FBN3: variants seen among roughly 807,000 people sequenced by gnomAD.
The protein encoded by FBN3 is fibrillin-3.
FBN3 carries 234 observed loss-of-function variants against 330.1 expected under a neutral mutation model. That is an observed-to-expected ratio of 0.71 (90% confidence interval 0.64 to 0.79). The LOEUF (loss-of-function observed/expected upper bound fraction) is 0.79. FBN3 is among the 30% of genes least tolerant of loss of function. The probability of loss-of-function intolerance (pLI) is 0.00; values close to 1 mark genes in which losing one functional copy is unlikely to be tolerated. For synonymous variants in FBN3, 1,458 were observed against 1,517.3 expected (o/e 0.96, Z 0.91); for missense variants, 3,606 against 3,886.9 (o/e 0.93, Z 1.92).
At chr19:8,120,681 T>A (rs1162841576) in intron 25 of FBN3, among the ~76,000 whole-genome samples, 1 of 152,136 alleles carries the variant, frequency 6.6e-6, no homozygotes, top group Non-Finnish European at 1.5e-5. Flanking sequence ...CTTGTTATGT[T>A]GCCCAGGCTG....
chr19:8,137,309 C>T (rs2083311377), intron 10 of FBN3, among the ~76,000 whole-genome samples: 1 of 151,620 alleles, frequency 6.6e-6, no homozygotes. Flanking sequence ...CCCTAGATCC[C>T]TCCAACCTGG....
At chr19:8,095,942 C>T (rs1221365108) in intron 45 of FBN3, 22 bp downstream of exon 45, 5 of 1,516,034 alleles carry the variant, frequency 3.3e-6, no homozygotes, top group East Asian at 2.3e-5. Flanking sequence ...TTGTGGCCAG[C>T]CTGCCACCTG....
intron 54 of FBN3, among the ~76,000 whole-genome samples, 193 bp downstream of exon 54, chr19:8,086,884 T>C (rs1348774257): frequency 6.6e-6 from 1 of 151,856 alleles, no homozygotes; most frequent in African/African-American, 2.4e-5. Context: ...TCCCACTGCC[T>C]GTCCCCCCCC....
At chr19:8,117,635 G>T in intron 26 of FBN3, 46 bp from the exon 27 acceptor site, 1 of 1,492,008 alleles carries the variant, frequency 6.7e-7, no homozygotes, top group South Asian at 1.3e-5. Flanking sequence ...CCCATCTGCC[G>T]TCTGTGTGAC....
At position 8,096,033 on chromosome 19, in the gene FBN3, T is replaced by C; in HGVS notation, c.5587A>G (p.Asn1863Asp). 1 of 1,614,112 alleles carries C rather than the reference T, an allele frequency of 6.2e-7. No individual in the cohort carries two copies. The highest frequency in any genetic ancestry group is 8.5e-7 in the Non-Finnish European group (1 of 1,179,986). ...AGGCAGTTGTAGGAGCCAATGATGTTCTTGCAGGTCCCATTTCCACAAGGC... is the reference window on the plus strand; with the variant it reads ...AGGCAGTTGTAGGAGCCAATGATGTCCTTGCAGGTCCCATTTCCACAAGGC... ...RQPCGNGTCK[N>D]IIGSYNCLCF... Residue 1863 changes from asparagine (N) to aspartate (D), a missense_variant, in exon 45 of 64, where the codon AAC (asparagine) becomes GAC (aspartate). Asn to Asp is a conservative substitution (Grantham distance 23, BLOSUM62 1). Transcript: ENST00000600128. This position sits in a 1 kb window ranked among gnomAD's most constrained non-coding sequence, Gnocchi z 4.6.
In FBN3 at chr19:8,072,054, G is replaced by T; in HGVS notation, c.8082C>A (p.Asp2694Glu). Reference sequence around the variant, plus strand: ...AGTGCAGCACCCATGTCACCTGGTGGTCCCTGTGGGCACTGCGTCGTGGCC... The same window carrying T: ...AGTGCAGCACCCATGTCACCTGGTGTTCCCTGTGGGCACTGCGTCGTGGCC... ...RDRPRRSAHR[D>E]HQVNLATLDS... The change falls in exon 63 of 64, where the codon GAC becomes GAA. Residue 2694 changes from aspartate to glutamate, a missense_variant. By Grantham distance (45) the Asp-to-Glu change is conservative. Coordinates refer to ENST00000600128, the MANE Select transcript of FBN3 (RefSeq NM_032447.5). 6.2e-7 allele frequency: 1 copy of T among 1,611,728 alleles called. No individual in the cohort carries two copies.
In FBN3 at chr19:8,134,975, C is replaced by CAT. The variant is rs766135578; in HGVS notation, c.1591+984_1591+985dup. On this transcript the variant is annotated intron_variant, in intron 13 of 63. Transcript: ENST00000600128. ...AATAAATATAAATATATATATTTTA[C>CAT]ATATATATATATATATTTTTTGAAA... Among the ~76,000 whole-genome samples the CAT allele has an allele frequency of 3.2e-3, 476 of 147,172 alleles. 3 individuals are homozygous for CAT. Among genetic ancestry groups the CAT allele is most frequent in the African/African-American group, 1.0e-2 (405 of 40,522 alleles).
At chr19:8,086,130 G>A (rs1225807365) in intron 55 of FBN3, 70 bp downstream of exon 55, 1 of 1,121,340 alleles carries the variant, frequency 8.9e-7, no homozygotes, top group East Asian at 4.1e-5. Flanking sequence ...AACAGGCAGT[G>A]GGGGGGGACA....
Position 8,109,772 on chromosome 19 carries a change from G to GTCCTCAGCAGGGAGCCCCT in FBN3, c.4334-38_4334-20dup, listed in dbSNP as rs781550206. ...TTGATGTCTGTAGGGAGGAAGCGCG[G>GTCCTCAGCAGGGAGCCCCT]TCCTCAGCAGGGAGCCCCTTCCTCG... is the stretch of plus-strand genomic sequence containing the variant. On this transcript the variant is annotated intron_variant, in intron 34 of 63. Transcript: ENST00000600128. The surrounding 1 kb of genome is among the most constrained non-coding windows in gnomAD (Gnocchi z 5.2). 6 of 1,443,108 alleles carry GTCCTCAGCAGGGAGCCCCT rather than the reference G, an allele frequency of 4.2e-6. No homozygotes were observed. The highest frequency in any genetic ancestry group is 5.5e-6 in the Non-Finnish European group (6 of 1,095,302). 89.4% of individuals were successfully genotyped at this position (1,443,108 alleles called of 1,614,324 possible). A position where few individuals can be genotyped will look rare whatever the true frequency, so the allele number is the denominator to read the frequency against.
chr19:8,082,995 C>T (rs955689616), intron 57 of FBN3, among the ~76,000 whole-genome samples: 6 of 151,854 alleles, frequency 4.0e-5, no homozygotes, highest in African/African-American at 9.7e-5. Context: ...TTTTTTTTAG[C>T]GATGGGGTCT....
chr19:8,093,453 C>T (rs2082142785), intron 47 of FBN3, among the ~76,000 whole-genome samples: 1 of 152,038 alleles, frequency 6.6e-6, no homozygotes, highest in African/African-American at 2.4e-5. Context: ...GAAACCCCGT[C>T]TCTACTAAAA....
intron 41 of FBN3, among the ~76,000 whole-genome samples, chr19:8,099,244 G>C (rs1372295283): frequency 1.3e-5 from 2 of 151,602 alleles, no homozygotes; most frequent in Admixed American, 6.6e-5. Context: ...GTGATGACTG[G>C]AGGAGAAGTG....
chr19:8,118,999 G>A lies in FBN3; in HGVS notation c.3235C>T (p.Pro1079Ser), dbSNP rs867362703. 4.4e-6 allele frequency: 7 copies of A among 1,608,352 alleles called. No individual in the cohort carries two copies. The highest frequency in any genetic ancestry group is 1.7e-5 in the Admixed American group (1 of 59,896). ...CAAGTGCCTCCCCGGCAGAGCAGCG[G>A]GTCCCTTGCACACTCGTCCACGTCT... ...CMDVDECARD[P>S]LLCRGGTCTN... The change falls in exon 26 of 64, where the codon CCG becomes TCG. Residue 1079 changes from proline (P) to serine (S), a missense_variant. Pro to Ser is a moderately conservative substitution (Grantham distance 74). Transcript: ENST00000600128.
At chr19:8,066,839 A>G (rs2081403314) in intron 63 of FBN3, among the ~76,000 whole-genome samples, 1 of 152,084 alleles carries the variant, frequency 6.6e-6, no homozygotes, top group Non-Finnish European at 1.5e-5. Context: ...AGATCACGCT[A>G]CTGCACTCCA....
At chr19:8,144,550 C>G (rs1185842780) in intron 6 of FBN3, among the ~76,000 whole-genome samples, 1 of 151,918 alleles carries the variant, frequency 6.6e-6, no homozygotes, top group Non-Finnish European at 1.5e-5. Context: ...CCTTCACATG[C>G]TCCAGGGCTG....
rs765414073 is a variant in FBN3, at chr19:8,086,284, C to T, written c.6796G>A (p.Gly2266Ser). 44 of 1,611,722 alleles carry T rather than the reference C, an allele frequency of 2.7e-5. No homozygotes were observed. The highest frequency in any genetic ancestry group is 1.6e-4 in the Middle Eastern group (1 of 6,072). Reference sequence around the variant, plus strand: ...CTGCCCGCGGTGTTGACACAGCGGCCGTTGACACAGAGGTCAGGCTGAGCG... The same window carrying T: ...CTGCCCGCGGTGTTGACACAGCGGCTGTTGACACAGAGGTCAGGCTGAGCG... ...CHAQPDLCVNGRCVNTAGSFR... is the reference protein window; with the variant it reads ...CHAQPDLCVNSRCVNTAGSFR... The change falls in exon 55 of 64, where the codon GGC becomes AGC. Residue 2266 changes from glycine to serine, a missense_variant. Gly to Ser is a moderately conservative substitution (Grantham distance 56). Transcript: ENST00000600128.
intron 16 of FBN3, among the ~76,000 whole-genome samples, chr19:8,130,162 T>C (rs1485162168): frequency 6.6e-6 from 1 of 151,852 alleles, no homozygotes; most frequent in East Asian, 2.0e-4. Context: ...CCTCCCAAAG[T>C]GCTGGAATTA....
intron 39 of FBN3, 120 bp from the exon 40 acceptor site, chr19:8,102,993 A>C (rs1162890055): frequency 1.9e-6 from 2 of 1,047,912 alleles, no homozygotes; most frequent in Admixed American, 4.1e-5. Flanking sequence ...TTGTCCAGGC[A>C]CAGTGGCTCA....
intron 8 of FBN3, among the ~76,000 whole-genome samples, chr19:8,141,194 CAAAA>C (rs56060033): frequency 1.1e-4 from 6 of 54,362 alleles, no homozygotes; most frequent in African/African-American, 1.6e-4. Context: ...GACTCCGTCT[CAAAA>C]AAAAAAAAAA....
Sources: allele counts gnomAD v4.1 joint callset (sites outside exome capture counted in the v4.1 genomes callset), GRCh38; gene constraint gnomAD v4.1.1; non-coding constraint Gnocchi (gnomAD v3.1); transcripts MANE v1.5; gene names NCBI Gene and HGNC (gene_info 2026-07-23, HGNC 2026-07-21).